CLSTN2: variants seen among roughly 807,000 people sequenced by gnomAD.
CLSTN2 encodes calsyntenin-2.
Under a neutral mutation model 101.2 loss-of-function variants are expected in CLSTN2, and 48 were observed. That is an observed-to-expected ratio of 0.47 (90% CI 0.38 to 0.60). The LOEUF is 0.60. Among genes scored for constraint, CLSTN2 ranks in the 20% least tolerant of loss-of-function variants. The pLI, the probability that CLSTN2 is intolerant of heterozygous loss-of-function variation, is 0.00. For missense variants in CLSTN2, 1,160 were observed against 1,238.2 expected (o/e 0.94, Z 0.95); for synonymous variants, 481 against 463.6 (o/e 1.04, Z -0.48).
intron 1 of CLSTN2, among the ~76,000 whole-genome samples, chr3:140,126,167 G>A (rs2009426501): frequency 6.6e-6 from 1 of 152,166 alleles, no homozygotes; most frequent in Non-Finnish European, 1.5e-5. Flanking sequence ...AAGGAACTGA[G>A]ATGCTATGGG....
chr3:140,010,788 T>C (rs1271306773), intron 1 of CLSTN2, among the ~76,000 whole-genome samples: 3 of 152,238 alleles, frequency 2.0e-5, no homozygotes, highest in Non-Finnish European at 4.4e-5. Flanking sequence ...ATGATGTTCA[T>C]GTAGAAAATT....
intron 6 of CLSTN2, among the ~76,000 whole-genome samples, chr3:140,453,020 C>T (rs907981050): frequency 1.3e-5 from 2 of 152,186 alleles, no homozygotes; most frequent in Non-Finnish European, 2.9e-5. Flanking sequence ...AGAGTGCAGC[C>T]CTCAGTGAGA....
chr3:140,468,016 G>A (rs1933749555), intron 8 of CLSTN2, among the ~76,000 whole-genome samples: 1 of 152,210 alleles, frequency 6.6e-6, no homozygotes, highest in South Asian at 2.1e-4. Context: ...AAAGTTGCTA[G>A]GGGAGCCCAG....
intron 1 of CLSTN2, among the ~76,000 whole-genome samples, chr3:140,049,050 C>A (rs2007937939): frequency 6.6e-6 from 1 of 152,210 alleles, no homozygotes; most frequent in African/African-American, 2.4e-5. Context: ...GCAGGCAGCA[C>A]TGGCTGGAAC....
intron 2 of CLSTN2, among the ~76,000 whole-genome samples, chr3:140,223,302 T>C (rs2086291381): frequency 6.6e-6 from 1 of 152,206 alleles, no homozygotes; most frequent in South Asian, 2.1e-4. Context: ...AACAGTTTAT[T>C]CACGCTGCAC....
intron 4 of CLSTN2, among the ~76,000 whole-genome samples, chr3:140,413,907 A>G (rs1476065894): frequency 2.6e-5 from 4 of 152,158 alleles, no homozygotes; most frequent in Non-Finnish European, 5.9e-5. Flanking sequence ...TCAACACAAT[A>G]AAGACTGTAT....
chr3:140,025,107 C>A (rs2007391666), intron 1 of CLSTN2, among the ~76,000 whole-genome samples: 1 of 152,132 alleles, frequency 6.6e-6, no homozygotes, highest in Non-Finnish European at 1.5e-5. Context: ...TGCCATTTTT[C>A]AAATCCTTTC....
chr3:140,386,758 G>A (rs2088055904), intron 2 of CLSTN2, among the ~76,000 whole-genome samples: 1 of 152,304 alleles, frequency 6.6e-6, no homozygotes, highest in East Asian at 1.9e-4. Flanking sequence ...CTGCACAAGA[G>A]CCATGTTGAG....
chr3:140,226,211 A>G (rs2086318821), intron 2 of CLSTN2, among the ~76,000 whole-genome samples: 2 of 152,194 alleles, frequency 1.3e-5, no homozygotes, highest in Admixed American at 1.3e-4. Context: ...CCAGAGATTA[A>G]AGACAGGGTG....
intron 1 of CLSTN2, among the ~76,000 whole-genome samples, chr3:140,035,542 T>G (rs374978733): frequency 4.6e-5 from 7 of 152,332 alleles, no homozygotes; most frequent in Admixed American, 2.6e-4. Flanking sequence ...TTACTAGCTG[T>G]GAGAACTTGT....
chr3:140,490,762 G>A (rs1304069033), intron 8 of CLSTN2, among the ~76,000 whole-genome samples: 4 of 152,024 alleles, frequency 2.6e-5, no homozygotes, highest in Non-Finnish European at 4.4e-5. Context: ...GCTCAGTAAC[G>A]AGGAGCAGAC....
chr3:140,279,860 G>A (rs756882485), intron 2 of CLSTN2, among the ~76,000 whole-genome samples: 1 of 152,182 alleles, frequency 6.6e-6, no homozygotes, highest in Non-Finnish European at 1.5e-5. Flanking sequence ...GCTGTCCTGG[G>A]GTTTCTACAC....
intron 1 of CLSTN2, among the ~76,000 whole-genome samples, chr3:139,979,781 T>A (rs1935885236): frequency 1.3e-5 from 2 of 152,038 alleles, no homozygotes; most frequent in African/African-American, 4.8e-5. Context: ...GTATCACCAT[T>A]GGTGTCATTA....
intron 1 of CLSTN2, among the ~76,000 whole-genome samples, chr3:139,968,940 C>T (rs536808703): frequency 6.6e-5 from 10 of 152,284 alleles, no homozygotes; most frequent in African/African-American, 2.2e-4. Context: ...TCATTATTAA[C>T]ACTTTTTTCT....
intron 1 of CLSTN2, among the ~76,000 whole-genome samples, chr3:140,122,346 C>G (rs2009356312): frequency 6.6e-6 from 1 of 152,104 alleles, no homozygotes; most frequent in Admixed American, 6.5e-5. Context: ...TCAAAGCTGG[C>G]AAAATGCCGT....
chr3:140,145,553 C>G (rs762733523), intron 1 of CLSTN2, among the ~76,000 whole-genome samples: 1 of 152,232 alleles, frequency 6.6e-6, no homozygotes, highest in Admixed American at 6.5e-5. Flanking sequence ...GAAGAAATTT[C>G]TCTTGACCAT....
rs566660963 is a variant in CLSTN2 at position 140,028,433 on chromosome 3, C to T, written c.109+92950C>T. ...CACCTCCCTTATGGTTCAGTGTGAA[C>T]TCTTGACACCAGGGACTCCAGATGG... On this transcript the variant is annotated intron_variant, in intron 1 of 16. Transcript: ENST00000458420. Among the ~76,000 whole-genome samples the T allele has an allele frequency of 8.5e-5, 13 of 152,292 alleles. No individual in the cohort carries two copies. The South Asian group carries it at 2.7e-3, about 32-fold the overall frequency.
At chr3:139,957,119 T>C (rs1219945617) in intron 1 of CLSTN2, among the ~76,000 whole-genome samples, 1 of 152,000 alleles carries the variant, frequency 6.6e-6, no homozygotes, top group Non-Finnish European at 1.5e-5. Context: ...GAGGCTGGAG[T>C]CAGGATTGGC....
At chr3:139,965,268 C>T (rs1429222434) in intron 1 of CLSTN2, among the ~76,000 whole-genome samples, 5 of 152,174 alleles carry the variant, frequency 3.3e-5, no homozygotes, top group African/African-American at 9.7e-5. Context: ...GAGAGCTGAA[C>T]CAACCTCCCT....
Sources: gnomAD v4.1 joint callset for allele counts (sites outside exome capture counted in the v4.1 genomes callset) on GRCh38, gnomAD v4.1.1 for gene constraint, MANE v1.5 for transcripts, NCBI Gene and HGNC (gene_info 2026-07-23, HGNC 2026-07-21) for gene names.